Variants in GPC6 observed in about 807,000 individuals in gnomAD.
GPC6 encodes the protein glypican-6.
In GPC6, 14 loss-of-function variants were observed where a neutral mutation model predicts 55.2. The observed-to-expected ratio is 0.25, with a 90% CI of 0.17 to 0.40. The LOEUF (loss-of-function observed/expected upper bound fraction) is 0.40. Ranked by LOEUF, GPC6 falls within the 10% of genes least tolerant of loss-of-function variation. The pLI is 1.00. For synonymous variants in GPC6, 278 were observed against 259.6 expected, an observed-to-expected ratio of 1.07 and a Z score of -0.68; for missense variants, 641 against 708.5, an observed-to-expected ratio of 0.90 and a Z score of 1.08.
intron 4 of GPC6, among the ~76,000 whole-genome samples, chr13:94,170,576 G>GT (rs1888528986): frequency 6.6e-6 from 1 of 152,192 alleles, no homozygotes; most frequent in African/African-American, 2.4e-5. Context: ...AAAAGGGAAT[G>GT]TAGTTCATTC....
chr13:94,143,230 C>G (rs919077658), intron 4 of GPC6, among the ~76,000 whole-genome samples: 1 of 151,854 alleles, frequency 6.6e-6, no homozygotes, highest in Non-Finnish European at 1.5e-5. Context: ...GAGATTGTCT[C>G]CCTTTGTAGT....
chr13:94,237,006 G>T (rs1244314387), intron 4 of GPC6, among the ~76,000 whole-genome samples: 1 of 151,968 alleles, frequency 6.6e-6, no homozygotes, highest in Non-Finnish European at 1.5e-5. Context: ...GGCCTTAAAG[G>T]CAAGGAGTCA....
intron 4 of GPC6, among the ~76,000 whole-genome samples, chr13:94,234,338 AT>A (rs1166177954): frequency 2.6e-5 from 4 of 152,132 alleles, no homozygotes; most frequent in Non-Finnish European, 5.9e-5. Flanking sequence ...TATCTGTTGT[AT>A]TAATACTAGG....
intron 4 of GPC6, among the ~76,000 whole-genome samples, chr13:94,085,731 C>T (rs928041752): frequency 2.6e-5 from 4 of 152,120 alleles, no homozygotes; most frequent in Non-Finnish European, 5.9e-5. Context: ...TAACTTGTTC[C>T]CACTGCTAAT....
chr13:93,797,034 G>A (rs1047694940), intron 2 of GPC6, among the ~76,000 whole-genome samples: 3 of 152,212 alleles, frequency 2.0e-5, no homozygotes, highest in East Asian at 1.9e-4. Flanking sequence ...AAAAAAAGAC[G>A]AGGTAACTTT....
chr13:93,785,026 T>G (rs1268800397), intron 2 of GPC6, among the ~76,000 whole-genome samples: 4 of 152,186 alleles, frequency 2.6e-5, no homozygotes, highest in Admixed American at 1.3e-4. Flanking sequence ...GAAAAGGAAG[T>G]AATCTCATTC....
chr13:93,248,866 C>G (rs1182040913), intron 1 of GPC6, among the ~76,000 whole-genome samples: 1 of 152,208 alleles, frequency 6.6e-6, no homozygotes, highest in Non-Finnish European at 1.5e-5. Context: ...GCTGATACGC[C>G]TAACACAAAC....
intron 1 of GPC6, among the ~76,000 whole-genome samples, chr13:93,464,084 C>T (rs567174876): frequency 1.2e-4 from 18 of 152,006 alleles, no homozygotes; most frequent in African/African-American, 1.9e-4. Flanking sequence ...TGTCTACAAC[C>T]GGTACATATC....
intron 2 of GPC6, among the ~76,000 whole-genome samples, chr13:93,563,704 A>G (rs922236188): frequency 1.3e-5 from 2 of 152,014 alleles, no homozygotes; most frequent in African/African-American, 4.8e-5. Flanking sequence ...TGGTAATGTC[A>G]AGAAAAACGT....
At chr13:93,897,653 T>A (rs1876093345) in intron 3 of GPC6, among the ~76,000 whole-genome samples, 1 of 152,122 alleles carries the variant, frequency 6.6e-6, no homozygotes, top group Admixed American at 6.6e-5. Context: ...TGACATACCT[T>A]CTTAAATGGT....
chr13:93,432,966 A>AG (rs11387101), intron 1 of GPC6, among the ~76,000 whole-genome samples: 151,815 of 151,862 alleles, frequency 1, 75,884 homozygotes, highest in Middle Eastern at 1. Context: ...AGAAAAAAGA[A>AG]GAGGGAGAAA....
At chr13:93,289,360 C>T (rs531658258) in intron 1 of GPC6, among the ~76,000 whole-genome samples, 2 of 151,984 alleles carry the variant, frequency 1.3e-5, no homozygotes, top group East Asian at 1.9e-4. Flanking sequence ...ACTTTCAAAA[C>T]GTGAGAATAG....
intron 3 of GPC6, among the ~76,000 whole-genome samples, chr13:93,934,684 A>T (rs775230808): frequency 6.6e-6 from 1 of 151,140 alleles, no homozygotes; most frequent in Non-Finnish European, 1.5e-5. Context: ...AATGTTTTAT[A>T]TATATTTAAG....
chr13:93,561,427 T>TATATATATATATATATATATATG (rs1431863456), intron 2 of GPC6, among the ~76,000 whole-genome samples: 1 of 82,582 alleles, frequency 1.2e-5, no homozygotes, highest in African/African-American at 6.1e-5. Context: ...ATATATATAT[T>TATATATATATATATATATATATG]TGTTGCAGTT....
chr13:94,052,709 CT>C (rs1452824045), intron 4 of GPC6, among the ~76,000 whole-genome samples: 5 of 152,106 alleles, frequency 3.3e-5, no homozygotes, highest in African/African-American at 1.2e-4. Context: ...TTAGTGTCCT[CT>C]TCCAAACTTA....
chr13:93,531,971 C>T (rs1481882809), intron 1 of GPC6, among the ~76,000 whole-genome samples: 5 of 152,152 alleles, frequency 3.3e-5, no homozygotes, highest in African/African-American at 4.8e-5. Context: ...ATTAAAAGGA[C>T]GGTAGTACTA....
chr13:93,801,264 T>A (rs1886358532), intron 2 of GPC6, among the ~76,000 whole-genome samples: 1 of 152,152 alleles, frequency 6.6e-6, no homozygotes, highest in Admixed American at 6.6e-5. Flanking sequence ...TTTTCCAGGG[T>A]CTTTTCAGGC....
intron 1 of GPC6, among the ~76,000 whole-genome samples, chr13:93,332,261 C>CA: frequency 7.7e-6 from 1 of 129,946 alleles, no homozygotes; most frequent in Non-Finnish European, 1.7e-5. Flanking sequence ...TTCTGTTTTT[C>CA]TTTTTTTTTT....
At chr13:94,160,068 A>T (rs1470547490) in intron 4 of GPC6, among the ~76,000 whole-genome samples, 1 of 152,192 alleles carries the variant, frequency 6.6e-6, no homozygotes, top group African/African-American at 2.4e-5. Flanking sequence ...TCAGTTTCTT[A>T]TAGCCAATCA....
Sources: allele counts gnomAD v4.1 joint callset (sites outside exome capture counted in the v4.1 genomes callset), GRCh38; gene constraint gnomAD v4.1.1; transcripts MANE v1.5; gene names NCBI Gene and HGNC (gene_info 2026-07-23, HGNC 2026-07-21).